BACH2: variants seen among roughly 807,000 people sequenced by gnomAD.
BACH2 encodes BACH transcriptional regulator 2.
A neutral mutation model predicts 61.8 loss-of-function variants in BACH2; 5 were observed. The observed-to-expected ratio is 0.08, with a 90% CI of 0.04 to 0.17. The LOEUF (loss-of-function observed/expected upper bound fraction) is 0.17. Among genes scored for constraint, BACH2 ranks in the 10% least tolerant of loss-of-function variants. The pLI is 1.00. For synonymous variants in BACH2, 446 were observed against 440.1 expected (o/e 1.01, Z -0.17); for missense variants, 824 against 1,091.1 (o/e 0.76, Z 3.45).
chr6:90,205,747 C>T (rs1769123581), intron 4 of BACH2, among the ~76,000 whole-genome samples: 1 of 151,010 alleles, frequency 6.6e-6, no homozygotes. Context: ...TAGGATCCTA[C>T]TCAAATGTCA....
At chr6:90,233,799 C>T (rs879108542) in intron 3 of BACH2, among the ~76,000 whole-genome samples, 1 of 152,088 alleles carries the variant, frequency 6.6e-6, no homozygotes, top group African/African-American at 2.4e-5. Context: ...GACAATTTTC[C>T]CAGGATCATT....
chr6:89,934,357 C>T (rs1772875778), intron 8 of BACH2, among the ~76,000 whole-genome samples: 1 of 152,116 alleles, frequency 6.6e-6, no homozygotes, highest in Non-Finnish European at 1.5e-5. Context: ...AAGGTTTTAC[C>T]ATCAACATTT....
intron 6 of BACH2, among the ~76,000 whole-genome samples, chr6:89,968,090 A>G (rs566684144): frequency 6.6e-6 from 1 of 152,250 alleles, no homozygotes; most frequent in Non-Finnish European, 1.5e-5. Context: ...GCCTAGATGC[A>G]CTGCTGACTC....
chr6:89,988,994 G>A (rs1420917109), intron 6 of BACH2, among the ~76,000 whole-genome samples: 4 of 152,152 alleles, frequency 2.6e-5, no homozygotes, highest in African/African-American at 9.7e-5. Flanking sequence ...CAAATTTGAG[G>A]TGAACAATCG....
At chr6:90,083,506 T>C (rs1325320799) in intron 5 of BACH2, among the ~76,000 whole-genome samples, 3 of 152,200 alleles carry the variant, frequency 2.0e-5, no homozygotes, top group African/African-American at 7.2e-5. Context: ...AATCATATCA[T>C]AGGTTCTTTT....
chr6:90,253,980 ATCTT>A (rs1770895890), intron 2 of BACH2, among the ~76,000 whole-genome samples: 1 of 152,202 alleles, frequency 6.6e-6, no homozygotes, highest in African/African-American at 2.4e-5. Context: ...TGTGCAGTGT[ATCTT>A]TGTCTTACTG....
chr6:89,959,854 G>C (rs1209073224), intron 6 of BACH2, among the ~76,000 whole-genome samples: 2 of 152,142 alleles, frequency 1.3e-5, no homozygotes, highest in African/African-American at 4.8e-5. Context: ...CTCTTTTGCT[G>C]GTTAACTTAT....
At chr6:90,263,314 G>C (rs1771224037) in intron 2 of BACH2, among the ~76,000 whole-genome samples, 1 of 149,358 alleles carries the variant, frequency 6.7e-6, no homozygotes, top group Admixed American at 6.6e-5. Context: ...GATGATGCCT[G>C]ATGTGCTTAG....
At chr6:89,979,857 C>T (rs904463964) in intron 6 of BACH2, among the ~76,000 whole-genome samples, 1 of 152,196 alleles carries the variant, frequency 6.6e-6, no homozygotes, top group African/African-American at 2.4e-5. Context: ...ACTGTTTAAT[C>T]TTCCTTCCTT....
chr6:90,069,189 C>T (rs1781107311), intron 5 of BACH2, among the ~76,000 whole-genome samples: 1 of 152,122 alleles, frequency 6.6e-6, no homozygotes, highest in Non-Finnish European at 1.5e-5. Context: ...AGTATCTGCC[C>T]CACAGTCCGC....
intron 1 of BACH2, among the ~76,000 whole-genome samples, chr6:90,295,789 C>T (rs1321219468): frequency 6.6e-6 from 1 of 152,244 alleles, no homozygotes. Context: ...TTTCCGACAA[C>T]CCGATCTTTC....
At chr6:90,045,461 G>A (rs1175722261) in intron 5 of BACH2, among the ~76,000 whole-genome samples, 1 of 152,270 alleles carries the variant, frequency 6.6e-6, no homozygotes, top group East Asian at 1.9e-4. Flanking sequence ...ATAAAGGTGG[G>A]GGGAAGATCA....
chr6:89,954,375 T>C (rs976984491), intron 6 of BACH2, among the ~76,000 whole-genome samples: 12 of 151,898 alleles, frequency 7.9e-5, no homozygotes, highest in Non-Finnish European at 1.5e-5. Context: ...TGTACACATG[T>C]GTCATGCTGG....
intron 3 of BACH2, among the ~76,000 whole-genome samples, chr6:90,251,995 C>T (rs542198845): frequency 1.3e-5 from 2 of 152,178 alleles, no homozygotes; most frequent in East Asian, 1.9e-4. Context: ...AGAAAGAAAA[C>T]AAAATTTTTT....
intron 4 of BACH2, among the ~76,000 whole-genome samples, chr6:90,132,983 C>T (rs756172501): frequency 7.2e-5 from 11 of 152,184 alleles, no homozygotes; most frequent in Non-Finnish European, 1.3e-4. Flanking sequence ...TTCCTGAGAA[C>T]GTGCAGCCCA....
At chr6:90,014,440 G>GTGTGTGTGTGTGTATATATATA (rs1330299169) in intron 5 of BACH2, among the ~76,000 whole-genome samples, 1 of 48,036 alleles carries the variant, frequency 2.1e-5, no homozygotes, top group Non-Finnish European at 3.4e-5. Flanking sequence ...GTGTGTGTGT[G>GTGTGTGTGTGTGTATATATATA]TATATATATA....
intron 4 of BACH2, among the ~76,000 whole-genome samples, chr6:90,205,061 T>C (rs1280794894): frequency 6.6e-6 from 1 of 151,918 alleles, no homozygotes; most frequent in Non-Finnish European, 1.5e-5. Flanking sequence ...ACAGAGGGCT[T>C]TTCCAGCTTT....
chr6:90,127,192 T>C (rs1241060442), intron 4 of BACH2, among the ~76,000 whole-genome samples: 2 of 152,232 alleles, frequency 1.3e-5, no homozygotes, highest in South Asian at 2.1e-4. Flanking sequence ...TTCCAGCCCA[T>C]ACACACTGAA....
chr6:90,215,659 A>G (rs752825868), intron 3 of BACH2, among the ~76,000 whole-genome samples: 11 of 152,132 alleles, frequency 7.2e-5, no homozygotes, highest in Non-Finnish European at 2.9e-5. Context: ...GGGTTCCCTA[A>G]ATGCAATTCT....
Sources: gnomAD v4.1 joint callset for allele counts (sites outside exome capture counted in the v4.1 genomes callset) on GRCh38, gnomAD v4.1.1 for gene constraint, MANE v1.5 for transcripts, NCBI Gene and HGNC (gene_info 2026-07-23, HGNC 2026-07-21) for gene names.